Variants in SENP6 observed in about 807,000 individuals in gnomAD.
SENP6 encodes SUMO specific peptidase 6.
A neutral mutation model predicts 134.5 loss-of-function variants in SENP6; 41 were observed. The ratio of observed to expected loss-of-function variants is 0.30; its 90% CI spans 0.24 to 0.40. The LOEUF (loss-of-function observed/expected upper bound fraction) is 0.40. SENP6 is among the 10% of genes least tolerant of loss of function. SENP6 has a pLI of 1.00. For synonymous variants in SENP6, 395 were observed against 429.8 expected (o/e 0.92, Z 1.00); for missense variants, 1,248 against 1,312.5 (o/e 0.95, Z 0.76).
At chr6:75,652,696 A>AAAAAAAAAAAAAAG (rs796549538) in intron 7 of SENP6, among the ~76,000 whole-genome samples, 2 of 148,816 alleles carry the variant, frequency 1.3e-5, no homozygotes, top group East Asian at 4.2e-4. Flanking sequence ...AAAAAAAAAA[A>AAAAAAAAAAAAAAG]AAAAAAAGAA....
intron 16 of SENP6, among the ~76,000 whole-genome samples, chr6:75,684,654 A>G (rs1773703629): frequency 6.6e-6 from 1 of 152,176 alleles, no homozygotes; most frequent in Admixed American, 6.5e-5. Context: ...TATTGAGATA[A>G]TCATGTGGTT....
Position 75,717,144 on chromosome 6 carries a change from A to G in SENP6, c.*1550A>G, listed in dbSNP as rs981192131. On this transcript the variant is annotated 3_prime_UTR_variant, in exon 24 of 24. Transcript: ENST00000447266. ...TCAGATATCTTAATTAGCTCATATGAAAAACAAGTTTAATTTTATTATTTA... is the reference window on the plus strand; with the variant it reads ...TCAGATATCTTAATTAGCTCATATGGAAAACAAGTTTAATTTTATTATTTA... 1.3e-5 allele frequency: 2 copies of G among 152,046 alleles called. No homozygotes were observed. Among genetic ancestry groups the G allele is most frequent in the Non-Finnish European group, 2.9e-5 (2 of 67,890 alleles). 9.4% of individuals were successfully genotyped at this position (152,046 alleles called of 1,614,324 possible).
intron 16 of SENP6, among the ~76,000 whole-genome samples, chr6:75,685,808 C>T (rs1773798037): frequency 6.6e-6 from 1 of 152,200 alleles, no homozygotes; most frequent in South Asian, 2.1e-4. Flanking sequence ...GAGTGCTTTA[C>T]TTCCAATTAT....
At position 75,602,089 on chromosome 6, in the gene SENP6, C is replaced by CCCCTCATCCCGGCGA; in HGVS notation, c.-436_-435insCCCTCATCCCGGCGA. 1 of 157,830 alleles carries CCCCTCATCCCGGCGA rather than the reference C, an allele frequency of 6.3e-6. No individual in the cohort carries two copies. Among genetic ancestry groups the CCCCTCATCCCGGCGA allele is most frequent in the Middle Eastern group, 3.2e-3 (1 of 314 alleles). The allele number at this position is 157,830 out of a possible 1,614,324, so 9.8% of individuals were successfully genotyped here. On this transcript the variant is annotated 5_prime_UTR_variant, in exon 1 of 24. Coordinates refer to ENST00000447266, the MANE Select transcript of SENP6 (RefSeq NM_015571.4). ...CAGAGACCTCGCCGCTCCGGCGCGG[C>CCCCTCATCCCGGCGA]GGGTGCGGCCATTTTACGGCCTGGG...
At chr6:75,655,980 C>T (rs1225544650) in intron 7 of SENP6, among the ~76,000 whole-genome samples, 1 of 152,012 alleles carries the variant, frequency 6.6e-6, no homozygotes, top group African/African-American at 2.4e-5. Flanking sequence ...GCACTTAGGC[C>T]GAGGTGGGTG....
intron 7 of SENP6, among the ~76,000 whole-genome samples, chr6:75,658,974 C>CAAAAAAAAAA: frequency 1.4e-5 from 1 of 71,942 alleles, no homozygotes; most frequent in Non-Finnish European, 2.3e-5. Context: ...CTTGTCTCCC[C>CAAAAAAAAAA]AAAAAAAAAA....
chr6:75,625,127 T>TC (rs1475592099), intron 3 of SENP6, among the ~76,000 whole-genome samples: 2 of 149,534 alleles, frequency 1.3e-5, no homozygotes, highest in Admixed American at 1.3e-4. Context: ...TTTTTTTTTT[T>TC]TTTTCAGACG....
chr6:75,602,315 G>C lies in SENP6; in HGVS notation c.-210G>C. 1 of 467,276 alleles carries C rather than the reference G, an allele frequency of 2.1e-6. No homozygotes were observed. Among genetic ancestry groups the C allele is most frequent in the Non-Finnish European group, 3.7e-6 (1 of 269,768 alleles). 28.9% of individuals were successfully genotyped at this position (467,276 alleles called of 1,614,324 possible). A position where few individuals can be genotyped will look rare whatever the true frequency, so the allele number is the denominator to read the frequency against. On this transcript the variant is annotated 5_prime_UTR_variant, in exon 1 of 24. Transcript: ENST00000447266. ...CTGAGAAGCTCGGGCCGCGGGCCTCGCTGCCCGCCAGCCCGCGGACAGGCC... is the reference window on the plus strand; with the variant it reads ...CTGAGAAGCTCGGGCCGCGGGCCTCCCTGCCCGCCAGCCCGCGGACAGGCC...
chr6:75,603,333 C>T (rs1020386006), intron 1 of SENP6, among the ~76,000 whole-genome samples: 1 of 151,930 alleles, frequency 6.6e-6, no homozygotes, highest in Non-Finnish European at 1.5e-5. Context: ...ATTTTTTTGG[C>T]CTATGAATAT....
At chr6:75,637,035 C>T (rs894492511) in intron 5 of SENP6, among the ~76,000 whole-genome samples, 13 of 152,010 alleles carry the variant, frequency 8.6e-5, no homozygotes, top group Admixed American at 6.6e-4. Context: ...CATGCACCAC[C>T]GCACCAGGCT....
chr6:75,607,070 G>A (rs1015944594), intron 1 of SENP6, among the ~76,000 whole-genome samples: 17 of 152,132 alleles, frequency 1.1e-4, no homozygotes, highest in Admixed American at 5.2e-4. Context: ...GTCAATAGCC[G>A]GGCATGGTGG....
chr6:75,713,275 GGTTAA>G (rs1357308085), intron 21 of SENP6, among the ~76,000 whole-genome samples: 14 of 151,898 alleles, frequency 9.2e-5, no homozygotes, highest in South Asian at 2.1e-4. Flanking sequence ...GCTAAGATAT[GGTTAA>G]GTTAATATTC....
chr6:75,640,903 G>GA (rs1769977898), intron 6 of SENP6, among the ~76,000 whole-genome samples, 199 bp downstream of exon 6: 1 of 152,100 alleles, frequency 6.6e-6, no homozygotes, highest in Admixed American at 6.5e-5. Context: ...CAATGTGTAT[G>GA]ATCAGATCAG....
At chr6:75,646,232 A>G (rs570818882) in intron 6 of SENP6, among the ~76,000 whole-genome samples, 2 of 152,290 alleles carry the variant, frequency 1.3e-5, no homozygotes, top group South Asian at 2.1e-4. Context: ...GACTGTTACT[A>G]CTACATCTCA....
intron 1 of SENP6, among the ~76,000 whole-genome samples, chr6:75,619,018 C>CTT (rs34039869): frequency 1.3e-3 from 180 of 140,448 alleles, no homozygotes; most frequent in Middle Eastern, 7.5e-3. Flanking sequence ...CACTTTCAGG[C>CTT]TTTTTTTTTT....
intron 7 of SENP6, among the ~76,000 whole-genome samples, chr6:75,658,257 C>CTT (rs539074188): frequency 1.1e-3 from 169 of 152,148 alleles, no homozygotes; most frequent in African/African-American, 3.9e-3. Context: ...CTTAGTGAAA[C>CTT]TTTGTGATTG....
At chr6:75,707,048 A>G (rs909258286) in intron 19 of SENP6, among the ~76,000 whole-genome samples, 1 of 152,332 alleles carries the variant, frequency 6.6e-6, no homozygotes, top group Non-Finnish European at 1.5e-5. Flanking sequence ...TCACCTCTCA[A>G]TTTACTCCAG....
At chr6:75,673,605 T>G (rs1772855082) in intron 11 of SENP6, among the ~76,000 whole-genome samples, 1 of 152,016 alleles carries the variant, frequency 6.6e-6, no homozygotes, top group South Asian at 2.1e-4. Flanking sequence ...ATTACAGGTG[T>G]GAGCCACTGT....
rs765966151 is a variant in SENP6 at position 75,695,816 on chromosome 6, T to C, written c.2088T>C (p.Leu696=). ...TTCTATCAAATAGATACTTGGTGCT[T>C]GAAAAACTGAAGAAGGAAGACGCTG... ...IIDFYLKYLV[L]EKLKKEDADR... Residue 696 remains leucine, a synonymous_variant, in exon 17 of 24, where the codon CTT becomes CTC. Coordinates refer to ENST00000447266, the MANE Select transcript of SENP6 (RefSeq NM_015571.4). The C allele has an allele frequency of 1.3e-5, 21 of 1,588,910 alleles. No homozygotes were observed. In the Admixed American group the frequency reaches 3.8e-4, roughly 29 times the overall value.
Sources: allele counts gnomAD v4.1 joint callset (sites outside exome capture counted in the v4.1 genomes callset), GRCh38; gene constraint gnomAD v4.1.1; transcripts MANE v1.5; gene names NCBI Gene and HGNC (gene_info 2026-07-23, HGNC 2026-07-21).